Variants in CCDC66 observed in about 807,000 individuals in gnomAD.
CCDC66 encodes coiled-coil domain-containing protein 66.
A neutral mutation model predicts 128.3 loss-of-function variants in CCDC66; 133 were observed. The observed-to-expected ratio is 1.04, with a 90% CI of 0.90 to 1.20. The LOEUF (loss-of-function observed/expected upper bound fraction) is 1.20. Ranked by LOEUF, CCDC66 falls within the 50% of genes most tolerant of loss-of-function variation. CCDC66 has a pLI of 0.00. For synonymous variants in CCDC66, 387 were observed against 357.0 expected (o/e 1.08, Z -0.95); for missense variants, 1,126 against 1,075.5 (o/e 1.05, Z -0.66).
chr3:56,563,850 C>T lies in CCDC66; in HGVS notation c.269C>T (p.Ser90Leu), dbSNP rs1432379419. 2.5e-6 allele frequency: 4 copies of T among 1,582,932 alleles called. No homozygotes were observed. The highest frequency in any genetic ancestry group is 1.8e-5 in the Admixed American group (1 of 55,372). The change falls in exon 4 of 18, where the codon TCA becomes TTA. Residue 90 changes from serine (S) to leucine (L), a missense_variant. Ser to Leu is a moderately radical substitution (Grantham distance 145). Transcript: ENST00000394672. ...AKGEKNGMTFSSTKDLCKQCI... is the reference protein window; with the variant it reads ...AKGEKNGMTFLSTKDLCKQCI... The stretch of plus-strand genomic sequence containing the variant: ...GGTGAAAAAAATGGAATGACTTTTT[C>T]ATCCACTAAGGATTTATGTAAACAA...
At chr3:56,562,742 G>A (rs927773779) in intron 3 of CCDC66, among the ~76,000 whole-genome samples, 32 of 151,854 alleles carry the variant, frequency 2.1e-4, no homozygotes, top group African/African-American at 6.8e-4. Context: ...GGGTTCAAGC[G>A]ATTCTCTTGC....
chr3:56,620,999 A>AAAGT (rs1193638568), intron 17 of CCDC66: 2 of 84,134 alleles, frequency 2.4e-5, no homozygotes, highest in Non-Finnish European at 4.8e-5. Flanking sequence ...AAAAATACAA[A>AAAGT]AAGTTAGTTA....
chr3:56,600,144 C>T (rs1218077306), intron 10 of CCDC66, among the ~76,000 whole-genome samples: 1 of 123,026 alleles, frequency 8.1e-6, no homozygotes, highest in Non-Finnish European at 1.6e-5. Flanking sequence ...TACATGTGCA[C>T]TTATCTTTTT....
Position 56,571,163 on chromosome 3 carries a change from A to G in CCDC66, c.815-18A>G, listed in dbSNP as rs191367320. ...TTACAGTTTTTGTACATTTTTTTAA[A>G]AAGGACATTATTTACAGATGAACAG... On this transcript the variant is annotated intron_variant, in intron 6 of 17. Coordinates refer to ENST00000394672, the MANE Select transcript of CCDC66 (RefSeq NM_001141947.3). 6.0e-5 allele frequency: 89 copies of G among 1,482,212 alleles called. No homozygotes were observed. In the East Asian group the frequency reaches 1.7e-3, roughly 28 times the overall value. The allele number at this position is 1,482,212 out of a possible 1,614,324, so 91.8% of individuals were successfully genotyped here.
intron 3 of CCDC66, chr3:56,561,278 C>T (rs1241356883): frequency 2.2e-6 from 1 of 456,552 alleles, no homozygotes; most frequent in Non-Finnish European, 4.4e-6. Flanking sequence ...ATAGAAGCCA[C>T]ATTTGTGAAG....
At chr3:56,568,102 G>T (rs1443747074) in intron 6 of CCDC66, among the ~76,000 whole-genome samples, 7 of 152,146 alleles carry the variant, frequency 4.6e-5, no homozygotes, top group Non-Finnish European at 1.0e-4. Flanking sequence ...ATTTATCCTA[G>T]ATCTGGACAG....
chr3:56,582,196 C>T (rs536445685), intron 7 of CCDC66, among the ~76,000 whole-genome samples: 12 of 151,916 alleles, frequency 7.9e-5, no homozygotes, highest in Non-Finnish European at 1.3e-4. Context: ...GCTCCGTGGG[C>T]GTGGGACCCT....
intron 6 of CCDC66, 108 bp downstream of exon 6, chr3:56,567,161 G>T: frequency 2.7e-6 from 2 of 733,444 alleles, no homozygotes; most frequent in Admixed American, 2.3e-5. Flanking sequence ...GGAAGCCGAG[G>T]TGGGTGGATC....
At chr3:56,599,892 T>C (rs571191719) in intron 10 of CCDC66, among the ~76,000 whole-genome samples, 1 of 152,246 alleles carries the variant, frequency 6.6e-6, no homozygotes, top group Non-Finnish European at 1.5e-5. Flanking sequence ...CCATGTGTTC[T>C]CATGGTTCAA....
At chr3:56,605,976 GGAGGAATCTAGA>G (rs2074013008) in intron 10 of CCDC66, among the ~76,000 whole-genome samples, 1 of 152,066 alleles carries the variant, frequency 6.6e-6, no homozygotes, top group African/African-American at 2.4e-5. Context: ...TGTCCAAAGA[GGAGGAATCTAGA>G]GAGGCAATCT....
chr3:56,617,887 A>G (rs2075720285), intron 14 of CCDC66: 1 of 567,728 alleles, frequency 1.8e-6, no homozygotes, highest in Non-Finnish European at 3.1e-6. Flanking sequence ...CCTTATGCTT[A>G]TCGAGTCCTT....
At chr3:56,604,175 C>A in intron 10 of CCDC66, among the ~76,000 whole-genome samples, 1 of 152,126 alleles carries the variant, frequency 6.6e-6, no homozygotes, top group East Asian at 1.9e-4. Context: ...TGTGTCTCTG[C>A]GTGTGAGATG....
In CCDC66 at chr3:56,566,711, T is replaced by TA; in HGVS notation, c.665dup (p.Asn222LysfsTer2). 6.2e-7 allele frequency: 1 copy of TA among 1,613,890 alleles called. No individual in the cohort carries two copies. Among genetic ancestry groups the TA allele is most frequent in the Non-Finnish European group, 8.5e-7 (1 of 1,179,880 alleles). ...GTCCCAGCTGAAAATAAATCTGTCTTAAATGAACATCAGGAGACATCTAAA... is the reference window on the plus strand; with the variant it reads ...GTCCCAGCTGAAAATAAATCTGTCTTAAAATGAACATCAGGAGACATCTAAA... On this transcript the variant is annotated frameshift_variant, in exon 5 of 18. Transcript: ENST00000394672. LOFTEE classifies it high-confidence loss of function.
intron 10 of CCDC66, among the ~76,000 whole-genome samples, chr3:56,602,983 C>T (rs2073452230): frequency 6.6e-6 from 1 of 151,404 alleles, no homozygotes; most frequent in Admixed American, 6.6e-5. Flanking sequence ...TACAGGCGCC[C>T]ACCATCACAC....
chr3:56,575,711 C>T (rs2067262436), intron 7 of CCDC66, among the ~76,000 whole-genome samples: 1 of 151,796 alleles, frequency 6.6e-6, no homozygotes, highest in Admixed American at 6.6e-5. Context: ...CTAGTTCTAG[C>T]TCTTATGTTT....
At chr3:56,613,446 C>T (rs929420130) in intron 10 of CCDC66, 143 bp from the exon 11 acceptor site, 39 of 816,972 alleles carry the variant, frequency 4.8e-5, no homozygotes, top group Middle Eastern at 3.7e-4. Flanking sequence ...GTTAGATCTA[C>T]GTGAAGTATG....
intron 7 of CCDC66, among the ~76,000 whole-genome samples, chr3:56,590,304 A>G (rs1358807970): frequency 6.6e-6 from 1 of 152,188 alleles, no homozygotes; most frequent in Non-Finnish European, 1.5e-5. Context: ...AAAGCCCTTT[A>G]TTTTCAGTTG....
In CCDC66 at chr3:56,593,684, A is replaced by T; in HGVS notation, c.1262A>T (p.Glu421Val). The change falls in exon 9 of 18, where the codon GAG becomes GTG. Residue 421 changes from glutamate (E) to valine (V), a missense_variant. Physicochemically the swap from Glu to Val is moderately radical, Grantham distance 121. Coordinates refer to ENST00000394672, the MANE Select transcript of CCDC66 (RefSeq NM_001141947.3). ...GGAAGCCAGGTTGAACCTTCAGAGG[A>T]GGAGCATATAGCAAAACCTATTAAG... ...TTGSQVEPSEEEHIAKPIKDV... is the reference protein window; with the variant it reads ...TTGSQVEPSEVEHIAKPIKDV... 2 of 1,614,206 alleles carry T rather than the reference A, an allele frequency of 1.2e-6. No homozygotes were observed. Among genetic ancestry groups the T allele is most frequent in the Non-Finnish European group, 1.7e-6 (2 of 1,180,014 alleles).
At chr3:56,571,354 A>C (rs764560303) in intron 7 of CCDC66, 52 bp downstream of exon 7, 2 of 1,220,312 alleles carry the variant, frequency 1.6e-6, no homozygotes, top group Non-Finnish European at 1.1e-6. Context: ...TTCATATTAT[A>C]GAATTTATTT....
Sources: gnomAD v4.1 joint callset for allele counts (sites outside exome capture counted in the v4.1 genomes callset) on GRCh38, gnomAD v4.1.1 for gene constraint, MANE v1.5 for transcripts, NCBI Gene and HGNC (gene_info 2026-07-23, HGNC 2026-07-21) for gene names.